Variants in KIF5C observed in about 807,000 individuals in gnomAD.
The protein encoded by KIF5C is kinesin family member 5C, also known as kinesin heavy chain isoform 5C.
In KIF5C, 18 loss-of-function variants were observed where a neutral mutation model predicts 125.2. The ratio of observed to expected loss-of-function variants is 0.14; its 90% confidence interval spans 0.10 to 0.21. KIF5C has a LOEUF of 0.21. Ranked by LOEUF, KIF5C falls within the 10% of genes least tolerant of loss-of-function variation. The pLI, the probability that KIF5C is intolerant of heterozygous loss-of-function variation, is 1.00. For missense variants in KIF5C, 780 were observed against 1,183.8 expected (o/e 0.66, Z 5.01); for synonymous variants, 405 against 434.0 (o/e 0.93, Z 0.83).
intron 25 of KIF5C, among the ~76,000 whole-genome samples, chr2:149,017,388 C>T (rs1042779506): frequency 1.3e-5 from 2 of 152,160 alleles, no homozygotes; most frequent in East Asian, 1.9e-4. Flanking sequence ...AGCAGGGTCT[C>T]GCTCTTGAGA....
intron 1 of KIF5C, among the ~76,000 whole-genome samples, chr2:148,918,182 A>G (rs1296131539): frequency 6.6e-6 from 1 of 152,170 alleles, no homozygotes; most frequent in Non-Finnish European, 1.5e-5. Context: ...GATCCTGGTA[A>G]ATTATTAATT....
intron 1 of KIF5C, among the ~76,000 whole-genome samples, chr2:148,920,385 T>A (rs1681734803): frequency 6.6e-6 from 1 of 152,254 alleles, no homozygotes; most frequent in South Asian, 2.1e-4. Flanking sequence ...TAAAGCTTAA[T>A]AAGCATGTAG....
chr2:148,913,150 G>T (rs147408367), intron 1 of KIF5C, among the ~76,000 whole-genome samples: 1 of 152,184 alleles, frequency 6.6e-6, no homozygotes, highest in African/African-American at 2.4e-5. Flanking sequence ...TGCACTCTAG[G>T]TTATATGGCA....
Position 148,981,618 on chromosome 2 carries a change from T to G in KIF5C, c.1569+57T>G, listed in dbSNP as rs11901442. 0.084 allele frequency: 126,418 copies of G among 1,505,110 alleles called. 7,031 individuals are homozygous for G. The highest frequency in any genetic ancestry group is 0.28 in the African/African-American group (19,774 of 71,722). 93.2% of individuals were successfully genotyped at this position (1,505,110 alleles called of 1,614,324 possible). On this transcript the variant is annotated intron_variant, in intron 14 of 25. Transcript: ENST00000435030. The stretch of plus-strand genomic sequence containing the variant: ...TCCTTGGCTGCCGTTCCTGTACTCA[T>G]ATTGATATTCATTGACAGACATGGT...
chr2:148,902,045 A>G (rs1240644942), intron 1 of KIF5C, among the ~76,000 whole-genome samples: 1 of 152,200 alleles, frequency 6.6e-6, no homozygotes, highest in Non-Finnish European at 1.5e-5. Context: ...AGACCTCTTC[A>G]CCGGGTTTGC....
At chr2:148,971,290 GTCTATCTATCTA>G (rs753154563) in intron 11 of KIF5C, among the ~76,000 whole-genome samples, 8,770 of 137,204 alleles carry the variant, frequency 0.064, 354 homozygotes, top group Non-Finnish European at 0.09. Context: ...CTGTCTGTCT[GTCTATCTATCTA>G]TCTATCTATC....
intron 1 of KIF5C, among the ~76,000 whole-genome samples, chr2:148,902,750 A>G (rs956958172): frequency 3.9e-5 from 6 of 152,250 alleles, no homozygotes; most frequent in Non-Finnish European, 5.9e-5. Flanking sequence ...GTATTCCTGC[A>G]AAGAGCATTT....
rs75701028 is a variant in KIF5C at position 148,961,835 on chromosome 2, T to C, written c.969-136T>C. ...GGTGCCGTTAGTCCAATTAGGAGGA[T>C]GGTTGGTGAAAGCCACAGGATCCCT... On this transcript the variant is annotated intron_variant, in intron 10 of 25. Coordinates refer to ENST00000435030, the MANE Select transcript of KIF5C (RefSeq NM_004522.3). 19,954 of 1,241,558 alleles carry C rather than the reference T, an allele frequency of 0.016. 172 individuals are homozygous for C. The highest frequency in any genetic ancestry group is 0.027 in the Middle Eastern group (92 of 3,376). 76.9% of individuals were successfully genotyped at this position (1,241,558 alleles called of 1,614,324 possible). A position where few individuals can be genotyped will look rare whatever the true frequency, so the allele number is the denominator to read the frequency against.
chr2:148,953,018 A>T (rs984001108), intron 10 of KIF5C, among the ~76,000 whole-genome samples: 1 of 152,244 alleles, frequency 6.6e-6, no homozygotes, highest in East Asian at 1.9e-4. Context: ...CAAATAAAAA[A>T]TGCTGCAGGT....
chr2:148,953,161 T>C (rs1413779344), intron 10 of KIF5C, among the ~76,000 whole-genome samples: 1 of 152,226 alleles, frequency 6.6e-6, no homozygotes, highest in Non-Finnish European at 1.5e-5. Flanking sequence ...GTCACAGACA[T>C]TAGTTTCTCA....
chr2:148,892,140 T>G (rs1418389470), intron 1 of KIF5C, among the ~76,000 whole-genome samples: 1 of 152,236 alleles, frequency 6.6e-6, no homozygotes, highest in African/African-American at 2.4e-5. Flanking sequence ...TCCAGCATAG[T>G]GGGCTCCAGC....
intron 25 of KIF5C, among the ~76,000 whole-genome samples, chr2:149,012,596 C>T (rs1682244385): frequency 6.6e-6 from 1 of 152,256 alleles, no homozygotes; most frequent in Non-Finnish European, 1.5e-5. Flanking sequence ...AGGGTCCCGG[C>T]ATCGCCCAGG....
At chr2:148,917,499 C>T (rs1347045614) in intron 1 of KIF5C, among the ~76,000 whole-genome samples, 6 of 152,126 alleles carry the variant, frequency 3.9e-5, no homozygotes, top group Non-Finnish European at 5.9e-5. Flanking sequence ...GATAATAATA[C>T]CTAGCTCATA....
At chr2:148,933,761 A>G (rs1205532563) in intron 3 of KIF5C, among the ~76,000 whole-genome samples, 1 of 150,716 alleles carries the variant, frequency 6.6e-6, no homozygotes, top group African/African-American at 2.4e-5. Flanking sequence ...GCACACACAT[A>G]CATTCACGAC....
chr2:148,922,863 T>C (rs1159376879), intron 2 of KIF5C, among the ~76,000 whole-genome samples: 2 of 152,182 alleles, frequency 1.3e-5, no homozygotes, highest in African/African-American at 4.8e-5. Context: ...ATTTACATCT[T>C]AGAGATCAGT....
At chr2:148,890,142 G>A (rs992130683) in intron 1 of KIF5C, among the ~76,000 whole-genome samples, 2 of 152,070 alleles carry the variant, frequency 1.3e-5, no homozygotes, top group African/African-American at 4.8e-5. Flanking sequence ...CTATACTGCT[G>A]TTATACCTAT....
chr2:148,907,857 C>G (rs1357796177), intron 1 of KIF5C, among the ~76,000 whole-genome samples: 1 of 152,190 alleles, frequency 6.6e-6, no homozygotes, highest in South Asian at 2.1e-4. Flanking sequence ...CCGGGACATA[C>G]CCGGGACAGT....
At chr2:148,969,421 C>CTGTGTGTGTG (rs1453277661) in intron 11 of KIF5C, among the ~76,000 whole-genome samples, 5 of 74,588 alleles carry the variant, frequency 6.7e-5, no homozygotes, top group African/African-American at 2.9e-4. Context: ...GGAAGGTTTC[C>CTGTGTGTGTG]AGTGTGTGTG....
chr2:148,875,575 G>GCCCCCCCCCCCTCCCCCTGTCCCC lies in KIF5C; in HGVS notation c.-37_-36insCCCCCTCCCCCTGTCCCCCCCCCC. 1 of 699,606 alleles carries GCCCCCCCCCCCTCCCCCTGTCCCC rather than the reference G, an allele frequency of 1.4e-6. No individual in the cohort carries two copies. Among genetic ancestry groups the GCCCCCCCCCCCTCCCCCTGTCCCC allele is most frequent in the Non-Finnish European group, 2.6e-6 (1 of 389,230 alleles). 43.3% of individuals were successfully genotyped at this position (699,606 alleles called of 1,614,324 possible). A position where few individuals can be genotyped will look rare whatever the true frequency, so the allele number is the denominator to read the frequency against. ...TCCTCCCTCGTCGTTCCCGGCCCCG[G>GCCCCCCCCCCCTCCCCCTGTCCCC]CCCCCCACCCATCCCCGTGCCCCCT... On this transcript the variant is annotated 5_prime_UTR_variant, in exon 1 of 26. Coordinates refer to ENST00000435030, the MANE Select transcript of KIF5C (RefSeq NM_004522.3).
Sources: gnomAD v4.1 joint callset for allele counts (sites outside exome capture counted in the v4.1 genomes callset) on GRCh38, gnomAD v4.1.1 for gene constraint, MANE v1.5 for transcripts, NCBI Gene and HGNC (gene_info 2026-07-23, HGNC 2026-07-21) for gene names.